The following AUTS2 variants were observed in gnomAD, a reference collection of about 807,000 sequenced individuals.
The protein encoded by AUTS2 is activator of transcription and developmental regulator AUTS2, also known as autism susceptibility gene 2 protein.
A neutral mutation model predicts 112.4 loss-of-function variants in AUTS2; 17 were observed. That is an observed-to-expected ratio of 0.15 (90% CI 0.10 to 0.23). The LOEUF is 0.23. Ranked by LOEUF, AUTS2 falls within the 10% of genes least tolerant of loss-of-function variation. The pLI is 1.00. For missense variants in AUTS2, 1,510 were observed against 1,701.6 expected (o/e 0.89, Z 1.98); for synonymous variants, 751 against 702.7 (o/e 1.07, Z -1.09).
chr7:70,790,373 A>C lies in AUTS2; in HGVS notation c.3157A>C (p.Ser1053Arg). ...TRMMTPFMGI[S>R]PLPGGERFPY... ...CATGATGACCCCCTTCATGGGCATC[A>C]GCCCCCTCCCGGGCGGAGAGCGCTT... Residue 1053 changes from serine (S) to arginine (R), a missense_variant, in exon 19 of 19, where the codon AGC (serine) becomes CGC (arginine). Coordinates refer to ENST00000342771, the MANE Select transcript of AUTS2 (RefSeq NM_015570.4). This position sits in a 1 kb window ranked among gnomAD's most constrained non-coding sequence, Gnocchi z 7.6. 6.2e-7 allele frequency: 1 copy of C among 1,613,814 alleles called. No individual in the cohort carries two copies. Among genetic ancestry groups the C allele is most frequent in the Non-Finnish European group, 8.5e-7 (1 of 1,179,972 alleles).
At chr7:69,659,651 C>T (rs974598293) in intron 1 of AUTS2, among the ~76,000 whole-genome samples, 2 of 136,278 alleles carry the variant, frequency 1.5e-5, no homozygotes, top group African/African-American at 5.5e-5. Context: ...TTGGCTTTCC[C>T]GAAGTTTTAC....
At chr7:70,132,032 G>A (rs965169808) in intron 3 of AUTS2, among the ~76,000 whole-genome samples, 1 of 151,938 alleles carries the variant, frequency 6.6e-6, no homozygotes, top group Admixed American at 6.6e-5. Context: ...AAAATGTGGT[G>A]AAAAGGGTTT....
chr7:70,603,458 C>T (rs1302330659), intron 5 of AUTS2, among the ~76,000 whole-genome samples: 1 of 152,208 alleles, frequency 6.6e-6, no homozygotes, highest in African/African-American at 2.4e-5. Context: ...CAGTCTAGAA[C>T]ATGCCCCGTC....
At chr7:69,811,984 G>T (rs1366227058) in intron 1 of AUTS2, among the ~76,000 whole-genome samples, 2 of 152,288 alleles carry the variant, frequency 1.3e-5, no homozygotes, top group South Asian at 4.1e-4. Flanking sequence ...TGTTTGCAAG[G>T]CTGTAATGCA....
At chr7:70,014,367 CT>C (rs1402088355) in intron 2 of AUTS2, among the ~76,000 whole-genome samples, 1 of 152,106 alleles carries the variant, frequency 6.6e-6, no homozygotes, top group Admixed American at 6.6e-5. Context: ...CTCTTGTTTT[CT>C]TTGATTTTGA....
At chr7:69,982,657 C>T (rs1178627983) in intron 2 of AUTS2, among the ~76,000 whole-genome samples, 1 of 152,168 alleles carries the variant, frequency 6.6e-6, no homozygotes, top group African/African-American at 2.4e-5. Context: ...TTGAATGACC[C>T]AAACAAGATG....
At chr7:69,819,375 A>T (rs1419667590) in intron 1 of AUTS2, among the ~76,000 whole-genome samples, 1 of 152,252 alleles carries the variant, frequency 6.6e-6, no homozygotes, top group Non-Finnish European at 1.5e-5. Context: ...CGAAGGTATG[A>T]CTAAGTGCTG....
chr7:70,696,398 A>T (rs1004131567), intron 5 of AUTS2, among the ~76,000 whole-genome samples: 6 of 152,160 alleles, frequency 3.9e-5, no homozygotes, highest in Non-Finnish European at 5.9e-5. Context: ...CCCCTTTCCC[A>T]GTTGCAAGAG....
chr7:70,155,728 C>T lies in AUTS2; in HGVS notation c.660+21157C>T, dbSNP rs528384537. ...AGCCCCAAATATCCCTTCCCTTGGG[C>T]TTGAATTTGCTAAACTGGAGCCTGT... On this transcript the variant is annotated intron_variant, in intron 4 of 18. Transcript: ENST00000342771. Among the ~76,000 whole-genome samples the T allele has an allele frequency of 3.3e-5, 5 of 152,110 alleles. No homozygotes were observed. In the East Asian group the frequency reaches 7.7e-4, roughly 24 times the overall value.
At chr7:70,688,263 T>C (rs974536375) in intron 5 of AUTS2, among the ~76,000 whole-genome samples, 2 of 152,190 alleles carry the variant, frequency 1.3e-5, no homozygotes, top group Non-Finnish European at 2.9e-5. Context: ...GCCTCCTAAC[T>C]CTGTGCTGGG....
intron 5 of AUTS2, among the ~76,000 whole-genome samples, chr7:70,696,303 A>T (rs1029633631): frequency 1.3e-5 from 2 of 152,112 alleles, no homozygotes; most frequent in African/African-American, 4.8e-5. Context: ...GAGAGAAGGG[A>T]TCCAGAATGT....
intron 1 of AUTS2, among the ~76,000 whole-genome samples, chr7:69,713,719 C>T (rs142632690): frequency 2.0e-5 from 3 of 152,202 alleles, no homozygotes; most frequent in East Asian, 1.9e-4. Context: ...CCTCGCCCTC[C>T]GAAAGTGCTG....
intron 2 of AUTS2, among the ~76,000 whole-genome samples, chr7:70,004,988 C>G (rs1189693400): frequency 1.3e-5 from 2 of 151,846 alleles, no homozygotes; most frequent in African/African-American, 4.8e-5. Flanking sequence ...CCATGCCTGG[C>G]TAATTTTTGT....
At chr7:70,046,635 A>G (rs1172703230) in intron 2 of AUTS2, among the ~76,000 whole-genome samples, 1 of 152,222 alleles carries the variant, frequency 6.6e-6, no homozygotes, top group Non-Finnish European at 1.5e-5. Flanking sequence ...CATTTATTGG[A>G]ACATATGATG....
chr7:69,865,078 T>C (rs933040402), intron 1 of AUTS2, among the ~76,000 whole-genome samples: 1 of 151,862 alleles, frequency 6.6e-6, no homozygotes, highest in African/African-American at 2.4e-5. Context: ...TTATGTCTTG[T>C]GTGTTGGATA....
At chr7:70,412,905 C>T (rs1340552243) in intron 4 of AUTS2, among the ~76,000 whole-genome samples, 1 of 152,200 alleles carries the variant, frequency 6.6e-6, no homozygotes, top group Non-Finnish European at 1.5e-5. Context: ...GCGGGAGAAT[C>T]GCTTGAACCC....
intron 5 of AUTS2, among the ~76,000 whole-genome samples, chr7:70,565,993 G>T (rs922850624): frequency 3.3e-5 from 5 of 152,192 alleles, no homozygotes; most frequent in African/African-American, 1.2e-4. Context: ...TACTGTGACT[G>T]TGTTGCATAG....
chr7:69,712,887 A>G (rs650952), intron 1 of AUTS2, among the ~76,000 whole-genome samples: 152,069 of 152,326 alleles, frequency 1, 75,907 homozygotes, highest in Middle Eastern at 1. Flanking sequence ...CACTTGATAT[A>G]GTTGATATTG....
At chr7:69,799,212 T>C (rs1351559267) in intron 1 of AUTS2, among the ~76,000 whole-genome samples, 1 of 152,136 alleles carries the variant, frequency 6.6e-6, no homozygotes, top group East Asian at 1.9e-4. Flanking sequence ...GTGGCACTTA[T>C]TAAAAATACG....
Sources: gnomAD v4.1 joint callset for allele counts (sites outside exome capture counted in the v4.1 genomes callset) on GRCh38, gnomAD v4.1.1 for gene constraint, Gnocchi (gnomAD v3.1) non-coding constraint, MANE v1.5 for transcripts, NCBI Gene and HGNC (gene_info 2026-07-23, HGNC 2026-07-21) for gene names.